Variants in TMEM39B observed in about 807,000 individuals in gnomAD.
TMEM39B encodes the protein transmembrane protein 39B.
TMEM39B carries 23 observed loss-of-function variants against 52.2 expected under a neutral mutation model. The ratio of observed to expected loss-of-function variants is 0.44; its 90% CI spans 0.32 to 0.62. TMEM39B has a LOEUF of 0.62. TMEM39B is among the 20% of genes least tolerant of loss of function. The probability of loss-of-function intolerance (pLI) is 0.06; values close to 1 mark genes in which losing one functional copy is unlikely to be tolerated. For synonymous variants in TMEM39B, 285 were observed against 264.0 expected (o/e 1.08, Z -0.77); for missense variants, 547 against 642.0 (o/e 0.85, Z 1.60).
intron 8 of TMEM39B, 30 bp downstream of exon 8, chr1:32,100,592 G>A (rs754680876): frequency 9.9e-6 from 16 of 1,613,892 alleles, no homozygotes; most frequent in South Asian, 9.9e-5. Flanking sequence ...AAGGAGGGTT[G>A]GGGCCTGAGA....
upstream of TMEM39B, chr1:32,072,833 G>A (rs1639691835): frequency 5.3e-6 from 3 of 564,922 alleles, no homozygotes; most frequent in East Asian, 3.4e-5. Context: ...GAGAGACAAA[G>A]AGCGCGCAGG....
intron 1 of TMEM39B, chr1:32,073,818 A>C: frequency 1.0e-6 from 1 of 985,384 alleles, no homozygotes; most frequent in Non-Finnish European, 1.2e-6. Context: ...TTCCGAGCTG[A>C]GATGCTACGG....
At chr1:32,092,734 G>T (rs989381911) in intron 6 of TMEM39B, among the ~76,000 whole-genome samples, 1 of 151,348 alleles carries the variant, frequency 6.6e-6, no homozygotes, top group Non-Finnish European at 1.5e-5. Context: ...CAAGTGATCC[G>T]CCCACCTTGG....
chr1:32,075,310 C>T lies in TMEM39B; in HGVS notation c.131+233C>T, dbSNP rs75673684. Among the ~76,000 whole-genome samples the T allele has an allele frequency of 1.8e-4, 27 of 152,286 alleles. No individual in the cohort carries two copies. The East Asian group carries it at 3.9e-3, about 22-fold the overall frequency. On this transcript the variant is annotated intron_variant, in intron 2 of 8. Transcript: ENST00000336294. ...CCTGGATTCTAATTACAGTTCTGCT[C>T]CAGATTTGCTGATGGCTTGGACAAG...
chr1:32,083,076 G>A (rs1169131634), intron 5 of TMEM39B, among the ~76,000 whole-genome samples: 1 of 85,872 alleles, frequency 1.2e-5, no homozygotes, highest in Non-Finnish European at 2.2e-5. Context: ...GCCCAGCCTG[G>A]TTTTTTTTTT....
At chr1:32,091,508 A>T (rs1640600523) in intron 5 of TMEM39B, among the ~76,000 whole-genome samples, 167 bp from the exon 6 acceptor site, 2 of 152,154 alleles carry the variant, frequency 1.3e-5, no homozygotes, top group African/African-American at 4.8e-5. Context: ...GTGCTGAGTG[A>T]CTGGCCATTG....
intron 6 of TMEM39B, among the ~76,000 whole-genome samples, chr1:32,094,191 A>G (rs1442124771): frequency 9.0e-6 from 1 of 111,138 alleles, no homozygotes; most frequent in Non-Finnish European, 1.7e-5. Context: ...CAGTGTTGTG[A>G]TCTTGGCTCA....
intron 7 of TMEM39B, among the ~76,000 whole-genome samples, chr1:32,099,100 A>C (rs1640920747): frequency 6.6e-6 from 1 of 152,084 alleles, no homozygotes; most frequent in South Asian, 2.1e-4. Context: ...AAAATACAGA[A>C]AAATTAGCCG....
intron 7 of TMEM39B, among the ~76,000 whole-genome samples, chr1:32,098,159 G>A (rs1041975052): frequency 2.0e-5 from 3 of 151,330 alleles, no homozygotes; most frequent in Non-Finnish European, 2.9e-5. Context: ...ACCATGCCCC[G>A]CTAATTTTTT....
chr1:32,079,085 G>T (rs114258462), intron 5 of TMEM39B, among the ~76,000 whole-genome samples: 1,802 of 150,726 alleles, frequency 0.012, 30 homozygotes, highest in African/African-American at 0.041. Context: ...TTTTAGAGAT[G>T]AGGGTCTTGC....
chr1:32,096,388 A>G (rs1640807071), intron 7 of TMEM39B, among the ~76,000 whole-genome samples: 1 of 150,540 alleles, frequency 6.6e-6, no homozygotes, highest in South Asian at 2.1e-4. Flanking sequence ...CTGTCATTTC[A>G]GGACTAAAAG....
At position 32,094,785 on chromosome 1, in the gene TMEM39B, A is replaced by T. The variant is rs774234035; in HGVS notation, c.929A>T (p.Asn310Ile). 1 of 1,614,156 alleles carries T rather than the reference A, an allele frequency of 6.2e-7. No individual in the cohort carries two copies. Among genetic ancestry groups the T allele is most frequent in the South Asian group, 1.1e-5 (1 of 91,084 alleles). ...TCACCCACCTTCTGCTACCCCCAGA[A>T]CACACATTACTATGACAAGCGCTGG... ...VAFVPVWFVK[N>I]THYYDKRWSC... The change falls in exon 7 of 9, where the codon AAC becomes ATC. Residue 310 changes from asparagine (N) to isoleucine (I), a missense_variant and splice_region_variant. Asn to Ile is a moderately radical substitution (Grantham distance 149). Transcript: ENST00000336294.
chr1:32,079,857 A>T (rs1186792680), intron 5 of TMEM39B, among the ~76,000 whole-genome samples: 1 of 150,104 alleles, frequency 6.7e-6, no homozygotes, highest in African/African-American at 2.5e-5. Context: ...GCAGCCTCCA[A>T]CTCCCGGGTT....
In TMEM39B at chr1:32,075,517, T is replaced by A; in HGVS notation, c.132-86T>A. ...TCCTTGCTATGAGCTGCTTTTCTGA[T>A]CTTATCCCACAATCCTTTGCCTCAG... On this transcript the variant is annotated intron_variant, in intron 2 of 8. Coordinates refer to ENST00000336294, the MANE Select transcript of TMEM39B (RefSeq NM_018056.4). The A allele has an allele frequency of 4.3e-6, 6 of 1,392,126 alleles. No individual in the cohort carries two copies. In the South Asian group the frequency reaches 8.0e-5, roughly 19 times the overall value. 86.2% of individuals were successfully genotyped at this position (1,392,126 alleles called of 1,614,324 possible). A position where few individuals can be genotyped will look rare whatever the true frequency, so the allele number is the denominator to read the frequency against.
chr1:32,078,669 A>C (rs1639965093), intron 5 of TMEM39B, among the ~76,000 whole-genome samples: 1 of 152,124 alleles, frequency 6.6e-6, no homozygotes, highest in African/African-American at 2.4e-5. Flanking sequence ...TTCTTGAGAC[A>C]GTCTGATGTC....
rs138631547 is a variant in TMEM39B, at chr1:32,077,798, G to A, written c.590+480G>A. ...AAGCGTGTGGGTGTCTATGCATGAA[G>A]CATGTGTGTGTGCCTGCATATGCAT... On this transcript the variant is annotated intron_variant, in intron 5 of 8. Coordinates refer to ENST00000336294, the MANE Select transcript of TMEM39B (RefSeq NM_018056.4). Among the ~76,000 whole-genome samples, 235 of 152,274 alleles carry A rather than the reference G, an allele frequency of 1.5e-3. 1 individual carries two copies. The highest frequency in any genetic ancestry group is 5.5e-3 in the African/African-American group (227 of 41,558).
intron 5 of TMEM39B, among the ~76,000 whole-genome samples, chr1:32,080,176 C>T (rs961142579): frequency 1.3e-5 from 2 of 152,084 alleles, no homozygotes; most frequent in African/African-American, 4.8e-5. Flanking sequence ...GCGTGAGCCA[C>T]CGTGCCTGGC....
At position 32,091,714 on chromosome 1, in the gene TMEM39B, C is replaced by A; in HGVS notation, c.630C>A (p.Asp210Glu). Residue 210 changes from aspartate (D) to glutamate (E), a missense_variant, in exon 6 of 9, where the codon GAC becomes GAA. Transcript: ENST00000336294. The part of the protein sequence containing the change: ...MYIPFLQLNC[D>E]LRKTSLFNHM... ...TTCCGTTCCTGCAGCTGAATTGCGA[C>A]CTCCGCAAGACAAGCCTCTTCAACC... 6.2e-7 allele frequency: 1 copy of A among 1,612,170 alleles called. No individual in the cohort carries two copies. The highest frequency in any genetic ancestry group is 8.5e-7 in the Non-Finnish European group (1 of 1,178,634).
chr1:32,078,624 C>G (rs569914043), intron 5 of TMEM39B, among the ~76,000 whole-genome samples: 2 of 152,310 alleles, frequency 1.3e-5, no homozygotes, highest in South Asian at 4.1e-4. Context: ...ATTTTCTGTG[C>G]AAGTACACAC....
Sources: gnomAD v4.1 joint callset for allele counts (sites outside exome capture counted in the v4.1 genomes callset) on GRCh38, gnomAD v4.1.1 for gene constraint, MANE v1.5 for transcripts, NCBI Gene and HGNC (gene_info 2026-07-23, HGNC 2026-07-21) for gene names.